SHROOM3: variants seen among roughly 807,000 people sequenced by gnomAD.
The protein encoded by SHROOM3 is shroom family member 3.
Under a neutral mutation model 138.6 loss-of-function variants are expected in SHROOM3, and 47 were observed. The ratio of observed to expected loss-of-function variants is 0.34; its 90% CI spans 0.27 to 0.43. The LOEUF (loss-of-function observed/expected upper bound fraction) is 0.43, where lower values mean the gene tolerates loss of function less well. Ranked by LOEUF, SHROOM3 falls within the 20% of genes least tolerant of loss-of-function variation. The pLI is 1.00. For missense variants in SHROOM3, 2,491 were observed against 2,596.5 expected (o/e 0.96, Z 0.88); for synonymous variants, 1,062 against 1,063.3 (o/e 1.00, Z 0.02).
chr4:76,686,426 T>C (rs1719339898), intron 2 of SHROOM3, among the ~76,000 whole-genome samples: 1 of 152,214 alleles, frequency 6.6e-6, no homozygotes, highest in Non-Finnish European at 1.5e-5. Flanking sequence ...AAATAATGTA[T>C]GATTTCTAGA....
At chr4:76,499,689 G>C (rs1241302388) in intron 1 of SHROOM3, among the ~76,000 whole-genome samples, 2 of 152,142 alleles carry the variant, frequency 1.3e-5, no homozygotes, top group African/African-American at 4.8e-5. Flanking sequence ...AGGGGACATG[G>C]GTCTCTGGGT....
chr4:76,481,200 T>A (rs539205795), intron 1 of SHROOM3, among the ~76,000 whole-genome samples: 1 of 152,256 alleles, frequency 6.6e-6, no homozygotes, highest in African/African-American at 2.4e-5. Flanking sequence ...AGAAGCTGGT[T>A]TTTTGAAAAC....
chr4:76,566,766 G>A (rs938114175), intron 2 of SHROOM3, among the ~76,000 whole-genome samples: 44 of 152,212 alleles, frequency 2.9e-4, no homozygotes, highest in African/African-American at 1.0e-3. Context: ...GAGATGAACT[G>A]TGGGTTCTTT....
intron 2 of SHROOM3, among the ~76,000 whole-genome samples, chr4:76,558,183 G>C (rs1274108258): frequency 6.6e-6 from 1 of 152,180 alleles, no homozygotes; most frequent in Non-Finnish European, 1.5e-5. Flanking sequence ...CTTCTGGTAG[G>C]CCTTCTAATA....
chr4:76,734,915 G>A (rs1371160894), intron 4 of SHROOM3, among the ~76,000 whole-genome samples: 1 of 152,158 alleles, frequency 6.6e-6, no homozygotes, highest in East Asian at 1.9e-4. Flanking sequence ...ATGCTCTTTA[G>A]TTAGTTCCAG....
chr4:76,454,291 G>T (rs541400200), intron 1 of SHROOM3, among the ~76,000 whole-genome samples: 14 of 152,234 alleles, frequency 9.2e-5, no homozygotes, highest in African/African-American at 2.9e-4. Context: ...TGATCCACCC[G>T]CCTTGGCCTC....
intron 5 of SHROOM3, among the ~76,000 whole-genome samples, chr4:76,745,242 G>A (rs1296692443): frequency 6.6e-6 from 1 of 152,192 alleles, no homozygotes; most frequent in Non-Finnish European, 1.5e-5. Flanking sequence ...TAGAAAGATA[G>A]CCAACATTTC....
chr4:76,713,076 G>C (rs981539177), intron 3 of SHROOM3, among the ~76,000 whole-genome samples: 13 of 152,228 alleles, frequency 8.5e-5, no homozygotes, highest in Non-Finnish European at 1.5e-4. Context: ...TGCTCTGGGA[G>C]AGTCAGCGAG....
chr4:76,778,845 C>A lies in SHROOM3; in HGVS notation c.5659C>A (p.Gln1887Lys). Residue 1887 changes from glutamine (Q) to lysine (K), a missense_variant, in exon 11 of 11, where the codon CAG becomes AAG. Transcript: ENST00000296043. The stretch of plus-strand genomic sequence containing the variant: ...CGAGAAAAGGAAGATCCTGGCTGGT[C>A]AGCATGAGGATGCCCGGGAGCTGAA... The part of the protein sequence containing the change: ...LYEKRKILAG[Q>K]HEDARELKEN... 6.2e-7 allele frequency: 1 copy of A among 1,612,598 alleles called. No individual in the cohort carries two copies. The highest frequency in any genetic ancestry group is 1.1e-5 in the South Asian group (1 of 90,988).
intron 2 of SHROOM3, among the ~76,000 whole-genome samples, chr4:76,695,258 G>A (rs570061737): frequency 3.9e-5 from 6 of 152,250 alleles, no homozygotes; most frequent in African/African-American, 1.2e-4. Context: ...GACATTGTCC[G>A]TTGCTCCTTA....
intron 2 of SHROOM3, among the ~76,000 whole-genome samples, chr4:76,560,081 G>A (rs1733569235): frequency 6.6e-6 from 1 of 152,224 alleles, no homozygotes; most frequent in South Asian, 2.1e-4. Context: ...TGCAAGGACA[G>A]TGCAAAGGAT....
At chr4:76,709,785 G>C (rs554067093) in intron 2 of SHROOM3, 98 of 287,184 alleles carry the variant, frequency 3.4e-4, no homozygotes, top group African/African-American at 2.1e-3. Flanking sequence ...TCGTTTGACA[G>C]TTTGCTTCAG....
chr4:76,554,184 GT>G (rs2110028678), intron 1 of SHROOM3, among the ~76,000 whole-genome samples: 1 of 152,190 alleles, frequency 6.6e-6, no homozygotes, highest in African/African-American at 2.4e-5. Flanking sequence ...TTCCTACAAT[GT>G]CATACACTTG....
chr4:76,662,533 T>C (rs1458501661), intron 2 of SHROOM3, among the ~76,000 whole-genome samples: 1 of 152,236 alleles, frequency 6.6e-6, no homozygotes, highest in Non-Finnish European at 1.5e-5. Context: ...ATCTTAAGAT[T>C]CATTGACTTG....
intron 2 of SHROOM3, among the ~76,000 whole-genome samples, chr4:76,658,194 G>T (rs115049627): frequency 0.039 from 5,897 of 152,322 alleles, 169 homozygotes; most frequent in Non-Finnish European, 0.056. Flanking sequence ...ATGTGAAGCT[G>T]AACACCAAAT....
At chr4:76,473,600 C>T (rs542147849) in intron 1 of SHROOM3, among the ~76,000 whole-genome samples, 2 of 152,052 alleles carry the variant, frequency 1.3e-5, no homozygotes, top group South Asian at 4.2e-4. Context: ...CAGAGCAAGA[C>T]TCTGTCTCAA....
chr4:76,446,990 C>A lies in SHROOM3; in HGVS notation c.168+10770C>A, dbSNP rs573214883. On this transcript the variant is annotated intron_variant, in intron 1 of 10. Coordinates refer to ENST00000296043, the MANE Select transcript of SHROOM3 (RefSeq NM_020859.4). ...ATTCACTTTCCCTGCAAGGCCTACTCGCCGGCTTTCCTAATAGTACACTCT... is the reference window on the plus strand; with the variant it reads ...ATTCACTTTCCCTGCAAGGCCTACTAGCCGGCTTTCCTAATAGTACACTCT... Among the ~76,000 whole-genome samples the A allele has an allele frequency of 3.3e-5, 5 of 152,168 alleles. No homozygotes were observed. The East Asian group carries it at 9.6e-4, about 29-fold the overall frequency.
intron 2 of SHROOM3, among the ~76,000 whole-genome samples, chr4:76,590,238 A>G (rs4613596): frequency 0.39 from 59,934 of 151,978 alleles, 12,291 homozygotes; most frequent in East Asian, 0.54. Flanking sequence ...TAAATTGAGG[A>G]CAGCACCCTC....
rs2110060780 is a variant in SHROOM3, at chr4:76,610,246, C to T, written c.323+54483C>T. On this transcript the variant is annotated intron_variant, in intron 2 of 10. Coordinates refer to ENST00000296043, the MANE Select transcript of SHROOM3 (RefSeq NM_020859.4). ...ATTTCAGAAAATGTTTACTTTTTCA[C>T]TCTCATTGAGTGATATGCCATCGAG... Among the ~76,000 whole-genome samples the T allele has an allele frequency of 2.0e-5, 3 of 152,346 alleles. No homozygotes were observed. The Middle Eastern group carries it at 0.01, about 518-fold the overall frequency.
Sources: allele counts gnomAD v4.1 joint callset (sites outside exome capture counted in the v4.1 genomes callset), GRCh38; gene constraint gnomAD v4.1.1; transcripts MANE v1.5; gene names NCBI Gene and HGNC (gene_info 2026-07-23, HGNC 2026-07-21).